FRMD4B: variants seen among roughly 807,000 people sequenced by gnomAD.
The protein encoded by FRMD4B is FERM domain-containing protein 4B.
A neutral mutation model predicts 141.5 loss-of-function variants in FRMD4B; 74 were observed. The ratio of observed to expected loss-of-function variants is 0.52; its 90% CI spans 0.43 to 0.63. The LOEUF is 0.63. FRMD4B is among the 30% of genes least tolerant of loss of function. FRMD4B has a pLI of 0.00. For missense variants in FRMD4B, 1,366 were observed against 1,253.4 expected (o/e 1.09, Z -1.36); for synonymous variants, 506 against 467.9 (o/e 1.08, Z -1.05).
At chr3:69,284,774 T>C (rs894175777) in intron 5 of FRMD4B, among the ~76,000 whole-genome samples, 2 of 152,080 alleles carry the variant, frequency 1.3e-5, no homozygotes, top group Admixed American at 6.5e-5. Context: ...GACAAAGGCA[T>C]TAAAACAATT....
At chr3:69,419,625 A>G (rs1485319483) in intron 2 of FRMD4B, among the ~76,000 whole-genome samples, 5 of 152,204 alleles carry the variant, frequency 3.3e-5, no homozygotes, top group Admixed American at 1.3e-4. Context: ...CTCTTACCAG[A>G]ATGGGGATTG....
chr3:69,353,065 C>T (rs1377075422), intron 1 of FRMD4B, among the ~76,000 whole-genome samples: 1 of 148,566 alleles, frequency 6.7e-6, no homozygotes, highest in Admixed American at 7.0e-5. Context: ...TTTCTACATC[C>T]ATAAAGAAAC....
intron 1 of FRMD4B, among the ~76,000 whole-genome samples, chr3:69,484,823 T>C (rs895285775): frequency 1.3e-5 from 2 of 152,196 alleles, no homozygotes; most frequent in Admixed American, 6.5e-5. Context: ...GAGGCTTTTA[T>C]GGGCCTCAGA....
At chr3:69,394,562 G>C (rs1704442372) in intron 2 of FRMD4B, among the ~76,000 whole-genome samples, 1 of 152,224 alleles carries the variant, frequency 6.6e-6, no homozygotes, top group African/African-American at 2.4e-5. Context: ...CTTTTATACT[G>C]TTGGTGGGAG....
chr3:69,538,359 C>T (rs1037506552), intron 1 of FRMD4B, among the ~76,000 whole-genome samples: 6 of 152,104 alleles, frequency 3.9e-5, no homozygotes, highest in East Asian at 1.9e-4. Context: ...CACTTAAAAT[C>T]GGGTTTGTAA....
intron 1 of FRMD4B, among the ~76,000 whole-genome samples, chr3:69,535,375 C>T (rs7630029): frequency 0.081 from 12,377 of 152,218 alleles, 877 homozygotes; most frequent in African/African-American, 0.18. Context: ...TCATAGGGTG[C>T]GGTGAGCATT....
chr3:69,250,281 CTGTGTGTGCGTGTGTGTG>C, intron 5 of FRMD4B, 182 bp from the exon 6 acceptor site: 1 of 511,730 alleles, frequency 2.0e-6, no homozygotes. Flanking sequence ...GGCGAAACCA[CTGTGTGTGCGTGTGTGTG>C]TGTGTGTGTG....
intron 3 of FRMD4B, 54 bp downstream of exon 3, chr3:69,311,209 C>T: frequency 1.3e-6 from 1 of 786,066 alleles, no homozygotes; most frequent in East Asian, 2.5e-5. Flanking sequence ...TGGAAGACAG[C>T]AAGTAGGTAG....
At chr3:69,408,222 G>A (rs1014862150) in intron 2 of FRMD4B, among the ~76,000 whole-genome samples, 2 of 152,170 alleles carry the variant, frequency 1.3e-5, no homozygotes, top group African/African-American at 4.8e-5. Flanking sequence ...TTCTAGAAAG[G>A]AATTTAGGAG....
intron 1 of FRMD4B, among the ~76,000 whole-genome samples, chr3:69,342,735 A>G (rs1702779300): frequency 6.6e-6 from 1 of 152,206 alleles, no homozygotes; most frequent in South Asian, 2.1e-4. Flanking sequence ...TATATCCATC[A>G]TTTCAAACAT....
chr3:69,540,836 C>T (rs1701171745), intron 1 of FRMD4B, among the ~76,000 whole-genome samples: 1 of 151,664 alleles, frequency 6.6e-6, no homozygotes, highest in South Asian at 2.1e-4. Flanking sequence ...GTGGGACTTC[C>T]GGTAAGTTAC....
intron 7 of FRMD4B, among the ~76,000 whole-genome samples, chr3:69,240,881 G>A (rs143123735): frequency 4.7e-4 from 72 of 152,302 alleles, no homozygotes; most frequent in African/African-American, 1.6e-3. Context: ...GACTCTGGAT[G>A]GTTTGCACTT....
intron 21 of FRMD4B, among the ~76,000 whole-genome samples, chr3:69,177,615 A>C (rs969413693): frequency 4.6e-5 from 7 of 152,250 alleles, no homozygotes; most frequent in African/African-American, 7.2e-5. Flanking sequence ...GCACCACTGC[A>C]CTACAGCCTG....
At chr3:69,267,650 G>C (rs1471949244) in intron 5 of FRMD4B, among the ~76,000 whole-genome samples, 5 of 35,394 alleles carry the variant, frequency 1.4e-4, no homozygotes, top group Middle Eastern at 0.012. Flanking sequence ...GAGAGAGAGA[G>C]AGAGAGAGAG....
At chr3:69,406,148 G>C (rs17005837) in intron 2 of FRMD4B, among the ~76,000 whole-genome samples, 5,568 of 152,090 alleles carry the variant, frequency 0.037, 347 homozygotes, top group African/African-American at 0.13. Flanking sequence ...TCCACAAATC[G>C]AACACAAAAA....
chr3:69,254,883 T>G (rs1339383880), intron 5 of FRMD4B, among the ~76,000 whole-genome samples: 3 of 151,892 alleles, frequency 2.0e-5, no homozygotes, highest in Non-Finnish European at 4.4e-5. Flanking sequence ...CATTACTAGA[T>G]CCAGTCATGA....
At chr3:69,257,438 C>T (rs576408871) in intron 5 of FRMD4B, among the ~76,000 whole-genome samples, 1 of 152,218 alleles carries the variant, frequency 6.6e-6, no homozygotes, top group East Asian at 1.9e-4. Context: ...TTTCTTTTTA[C>T]CTTAATGACC....
chr3:69,211,636 T>G (rs1282628148), intron 11 of FRMD4B, among the ~76,000 whole-genome samples: 1 of 152,220 alleles, frequency 6.6e-6, no homozygotes, highest in African/African-American at 2.4e-5. Flanking sequence ...TAAATTTCCC[T>G]TCTTCTGGCC....
chr3:69,181,342 C>G lies in FRMD4B; in HGVS notation c.2408G>C (p.Ser803Thr). ...YSKSQEPPSS[S>T]YYIAGYTPYA... ...GGGTGTGTACCCGGCAATGTAGTAA[C>G]TGGAAGACGGTGGCTCCTGACTCTT... Residue 803 changes from serine to threonine, a missense_variant, in exon 21 of 23, where the codon AGT becomes ACT. Transcript: ENST00000398540. 1.2e-6 allele frequency: 2 copies of G among 1,613,968 alleles called. No individual in the cohort carries two copies. Among genetic ancestry groups the G allele is most frequent in the Non-Finnish European group, 1.7e-6 (2 of 1,179,856 alleles).
Sources: gnomAD v4.1 joint callset for allele counts (sites outside exome capture counted in the v4.1 genomes callset) on GRCh38, gnomAD v4.1.1 for gene constraint, MANE v1.5 for transcripts, NCBI Gene and HGNC (gene_info 2026-07-23, HGNC 2026-07-21) for gene names.